CACNA1C: variants seen among roughly 807,000 people sequenced by gnomAD.
The protein encoded by CACNA1C is calcium voltage-gated channel subunit alpha1 C, also known as voltage-dependent L-type calcium channel subunit alpha-1C.
CACNA1C carries 30 observed loss-of-function variants against 229.0 expected under a neutral mutation model. The ratio of observed to expected loss-of-function variants is 0.13; its 90% CI spans 0.10 to 0.18. CACNA1C has a LOEUF of 0.18. CACNA1C is among the 10% of genes least tolerant of loss of function. The pLI is 1.00. For missense variants in CACNA1C, 1,658 were observed against 2,845.0 expected (o/e 0.58, Z 9.49); for synonymous variants, 1,114 against 1,132.5 (o/e 0.98, Z 0.33).
intron 3 of CACNA1C, among the ~76,000 whole-genome samples, chr12:2,233,453 G>A (rs761562853): frequency 3.9e-5 from 6 of 152,098 alleles, no homozygotes; most frequent in East Asian, 1.9e-4. Context: ...CTTTGATGGC[G>A]TCTAGGAGAC....
intron 3 of CACNA1C, among the ~76,000 whole-genome samples, chr12:2,262,744 C>T (rs988883024): frequency 2.0e-5 from 3 of 152,096 alleles, no homozygotes; most frequent in Non-Finnish European, 2.9e-5. Context: ...AGTTAGTGAC[C>T]GCAGGCAGAA....
chr12:2,333,940 T>G (rs1167127710), intron 3 of CACNA1C, among the ~76,000 whole-genome samples: 1 of 152,200 alleles, frequency 6.6e-6, no homozygotes, highest in Non-Finnish European at 1.5e-5. Flanking sequence ...CCTCCCGTCA[T>G]TGGTGACTAG....
chr12:2,561,616 G>A (rs756951239), intron 11 of CACNA1C, among the ~76,000 whole-genome samples: 2 of 152,220 alleles, frequency 1.3e-5, no homozygotes, highest in East Asian at 1.9e-4. Context: ...ATGAAGCAAC[G>A]GTGGAGTTTC....
intron 3 of CACNA1C, among the ~76,000 whole-genome samples, chr12:2,188,717 C>T (rs1323141907): frequency 6.6e-6 from 1 of 152,106 alleles, no homozygotes; most frequent in Admixed American, 6.6e-5. Context: ...TTATAAAATA[C>T]AAGAAGTGTT....
intron 1 of CACNA1C, among the ~76,000 whole-genome samples, chr12:2,044,837 G>A (rs1271094904): frequency 2.0e-5 from 3 of 152,198 alleles, no homozygotes; most frequent in South Asian, 2.1e-4. Flanking sequence ...AATGTTCCTG[G>A]CTGCATAACC....
chr12:2,237,995 G>T lies in CACNA1C; in HGVS notation c.477+117565G>T, dbSNP rs115217415. Among the ~76,000 whole-genome samples, 1,406 of 152,290 alleles carry T rather than the reference G, an allele frequency of 9.2e-3. 23 individuals are homozygous for T. Among genetic ancestry groups the T allele is most frequent in the African/African-American group, 0.032 (1,346 of 41,544 alleles). On this transcript the variant is annotated intron_variant, in intron 3 of 46. Coordinates refer to ENST00000399655, the MANE Select transcript of CACNA1C (RefSeq NM_000719.7). The stretch of plus-strand genomic sequence containing the variant: ...TATTGAAGACCTAACATTAATAAAT[G>T]CAGTTTTGATTGCTGTTCCTATCTG...
At chr12:1,998,332 GGGT>G (rs1374126230) in intron 1 of CACNA1C, among the ~76,000 whole-genome samples, 1 of 152,138 alleles carries the variant, frequency 6.6e-6, no homozygotes, top group African/African-American at 2.4e-5. Context: ...CCACCACACT[GGGT>G]ATAGAGAAAG....
chr12:2,587,359 A>G (rs532271150), intron 18 of CACNA1C, among the ~76,000 whole-genome samples: 33 of 152,354 alleles, frequency 2.2e-4, no homozygotes, highest in African/African-American at 7.9e-4. Context: ...GTAATAAAAC[A>G]AATTCCTTAG....
chr12:2,206,485 C>T (rs1160506471), intron 3 of CACNA1C, among the ~76,000 whole-genome samples: 1 of 152,166 alleles, frequency 6.6e-6, no homozygotes, highest in African/African-American at 2.4e-5. Flanking sequence ...TTGGCCAAGT[C>T]ACTTATCCAG....
chr12:2,398,471 C>T (rs2154550282), intron 3 of CACNA1C, among the ~76,000 whole-genome samples: 1 of 152,344 alleles, frequency 6.6e-6, no homozygotes, highest in South Asian at 2.1e-4. Context: ...TCGGGCAGAG[C>T]TCTGGTCTGT....
chr12:2,329,807 C>T (rs1181926619), intron 3 of CACNA1C, among the ~76,000 whole-genome samples: 1 of 152,180 alleles, frequency 6.6e-6, no homozygotes, highest in Non-Finnish European at 1.5e-5. Context: ...ACTTCACTCT[C>T]ATAGTCCTTG....
chr12:2,230,456 C>G (rs2064681974), intron 3 of CACNA1C, among the ~76,000 whole-genome samples: 2 of 152,320 alleles, frequency 1.3e-5, no homozygotes, highest in South Asian at 4.1e-4. Flanking sequence ...TGCGACCCCT[C>G]AGGAAGAGAC....
At chr12:2,542,272 A>G (rs185103494) in intron 9 of CACNA1C, among the ~76,000 whole-genome samples, 1 of 152,338 alleles carries the variant, frequency 6.6e-6, no homozygotes, top group Non-Finnish European at 1.5e-5. Flanking sequence ...TGGTGGCTAA[A>G]TGAGACCCAA....
intron 3 of CACNA1C, among the ~76,000 whole-genome samples, chr12:2,210,251 A>G (rs2097879424): frequency 2.0e-5 from 3 of 152,228 alleles, no homozygotes; most frequent in Non-Finnish European, 4.4e-5. Flanking sequence ...CTATGTTTCA[A>G]CAGTTTCATT....
intron 9 of CACNA1C, among the ~76,000 whole-genome samples, chr12:2,541,063 G>C (rs1222161884): frequency 6.6e-6 from 1 of 152,126 alleles, no homozygotes; most frequent in Non-Finnish European, 1.5e-5. Flanking sequence ...CTCTGTACCT[G>C]TCAGTGGCCA....
intron 1 of CACNA1C, among the ~76,000 whole-genome samples, chr12:2,006,443 A>G (rs564853101): frequency 2.2e-4 from 33 of 152,202 alleles, no homozygotes; most frequent in Non-Finnish European, 4.0e-4. Context: ...TAAAAAAATA[A>G]TTTTTAAGAG....
At chr12:2,680,639 C>G in intron 42 of CACNA1C, 1 of 1,403,544 alleles carries the variant, frequency 7.1e-7, no homozygotes. Flanking sequence ...CCCTCTAAAC[C>G]CCTGGAAAAG....
At chr12:2,503,140 A>G (rs1230734211) in intron 7 of CACNA1C, among the ~76,000 whole-genome samples, 1 of 152,202 alleles carries the variant, frequency 6.6e-6, no homozygotes, top group East Asian at 1.9e-4. Flanking sequence ...TCAAGCATGC[A>G]TCAGAATCAC....
chr12:2,555,215 A>C (rs1323995807), intron 10 of CACNA1C, among the ~76,000 whole-genome samples: 1 of 152,188 alleles, frequency 6.6e-6, no homozygotes. Flanking sequence ...ACTCAGGATT[A>C]GGTTTCCCCA....
Sources: allele counts gnomAD v4.1 joint callset (sites outside exome capture counted in the v4.1 genomes callset), GRCh38; gene constraint gnomAD v4.1.1; transcripts MANE v1.5; gene names NCBI Gene and HGNC (gene_info 2026-07-23, HGNC 2026-07-21).